PNLIPRP3: variants seen among roughly 807,000 people sequenced by gnomAD.
PNLIPRP3 encodes the protein pancreatic lipase related protein 3.
A neutral mutation model predicts 52.8 loss-of-function variants in PNLIPRP3; 58 were observed. The observed-to-expected ratio is 1.10, with a 90% CI of 0.89 to 1.37. The LOEUF (loss-of-function observed/expected upper bound fraction) is 1.37. Among genes scored for constraint, PNLIPRP3 ranks in the 40% most tolerant of loss-of-function variants. The pLI, the probability that PNLIPRP3 is intolerant of heterozygous loss-of-function variation, is 0.00. For synonymous variants in PNLIPRP3, 192 were observed against 185.0 expected (o/e 1.04, Z -0.31); for missense variants, 593 against 561.6 (o/e 1.06, Z -0.57).
At chr10:116,447,896 C>CACTGCACTCCAGCCTGGGTAACAG (rs1265862013) in intron 4 of PNLIPRP3, among the ~76,000 whole-genome samples, 1 of 150,534 alleles carries the variant, frequency 6.6e-6, no homozygotes, top group Admixed American at 6.6e-5. Context: ...GAGATGGTGC[C>CACTGCACTCCAGCCTGGGTAACAG]ACTGCACTCC....
chr10:116,470,024 A>G (rs1171302515), intron 9 of PNLIPRP3, among the ~76,000 whole-genome samples: 1 of 151,790 alleles, frequency 6.6e-6, no homozygotes, highest in East Asian at 1.9e-4. Context: ...TAGAAGGTGG[A>G]AGCAAAATGG....
chr10:116,472,895 C>A (rs2133159725), intron 10 of PNLIPRP3, among the ~76,000 whole-genome samples: 1 of 152,298 alleles, frequency 6.6e-6, no homozygotes, highest in Non-Finnish European at 1.5e-5. Flanking sequence ...ATACTTTTTC[C>A]TGTCTGCTAT....
chr10:116,428,946 T>C (rs1845672597), intron 1 of PNLIPRP3, among the ~76,000 whole-genome samples: 1 of 152,082 alleles, frequency 6.6e-6, no homozygotes, highest in Non-Finnish European at 1.5e-5. Flanking sequence ...TGCTGCTTGG[T>C]AGTTGCTTAA....
chr10:116,461,057 A>G lies in PNLIPRP3; in HGVS notation c.657A>G (p.Thr219=), dbSNP rs1251800305. 3 of 1,614,224 alleles carry G rather than the reference A, an allele frequency of 1.9e-6. No individual in the cohort carries two copies. The highest frequency in any genetic ancestry group is 2.5e-6 in the Non-Finnish European group (3 of 1,180,036). The change falls in exon 6 of 12, where the codon ACA becomes ACG. Residue 219 remains threonine, a synonymous_variant. Coordinates refer to ENST00000369230, the MANE Select transcript of PNLIPRP3 (RefSeq NM_001011709.3). ...SDANFVDVIH[T]NAARILFELG... is the part of the protein sequence containing the mutation. ...CCAACTTTGTTGACGTTATTCATAC[A>G]AATGCAGCTCGCATCCTCTTTGAGC... is the stretch of plus-strand genomic sequence containing the variant.
At chr10:116,457,884 A>G (rs1040542815) in intron 5 of PNLIPRP3, among the ~76,000 whole-genome samples, 2 of 152,210 alleles carry the variant, frequency 1.3e-5, no homozygotes, top group South Asian at 2.1e-4. Context: ...TAGAAAACAG[A>G]TTTTTAAAGG....
intron 1 of PNLIPRP3, 137 bp from the exon 2 acceptor site, chr10:116,436,574 G>A (rs1220355486): frequency 2.7e-5 from 24 of 905,288 alleles, no homozygotes; most frequent in Non-Finnish European, 3.9e-5. Flanking sequence ...CTATAGAATA[G>A]GAGAAAATAT....
chr10:116,469,038 G>C, intron 8 of PNLIPRP3, 147 bp from the exon 9 acceptor site: 1 of 738,854 alleles, frequency 1.4e-6, no homozygotes, highest in Non-Finnish European at 2.0e-6. Context: ...TTTGAAAACA[G>C]ACATGGTGGC....
rs140277168 is a variant in PNLIPRP3 at position 116,466,177 on chromosome 10, A to T, written c.927+9A>T. The T allele has an allele frequency of 1.3e-6, 2 of 1,546,058 alleles. No homozygotes were observed. Among genetic ancestry groups the T allele is most frequent in the African/African-American group, 2.7e-5 (2 of 73,142 alleles). On this transcript the variant is annotated intron_variant, in intron 8 of 11. Transcript: ENST00000369230. ...ACACATCTTTTAAAGCAGTAAGTAA[A>T]TCATCTTACTTGGAATTTAATTATA...
Position 116,449,766 on chromosome 10 carries a change from A to G in PNLIPRP3, c.456+5253A>G, listed in dbSNP as rs941838647. ...GACCAAATGGACCTAACACATGTGC[A>G]TAGAATATTTCACCCAACAGCAGAA... On this transcript the variant is annotated intron_variant, in intron 4 of 11. Transcript: ENST00000369230. Among the ~76,000 whole-genome samples, 24 of 152,320 alleles carry G rather than the reference A, an allele frequency of 1.6e-4. 2 individuals carry two copies. Among genetic ancestry groups the G allele is most frequent in the Admixed American group, 1.5e-3 (23 of 15,306 alleles).
chr10:116,461,965 T>C (rs1410461107), intron 7 of PNLIPRP3, among the ~76,000 whole-genome samples: 3 of 151,918 alleles, frequency 2.0e-5, no homozygotes, highest in Non-Finnish European at 4.4e-5. Flanking sequence ...AGGAAAGAAG[T>C]AGGGCATAAG....
At chr10:116,434,013 C>T (rs1676419479) in intron 1 of PNLIPRP3, among the ~76,000 whole-genome samples, 1 of 152,178 alleles carries the variant, frequency 6.6e-6, no homozygotes, top group African/African-American at 2.4e-5. Flanking sequence ...AATAGCAATA[C>T]ATTTCTCTTA....
At chr10:116,469,977 A>G (rs1846341179) in intron 9 of PNLIPRP3, among the ~76,000 whole-genome samples, 1 of 152,100 alleles carries the variant, frequency 6.6e-6, no homozygotes. Context: ...AGGCAAAAAA[A>G]AAAAAAAAAT....
chr10:116,433,114 C>CAAAA (rs71010080), intron 1 of PNLIPRP3, among the ~76,000 whole-genome samples: 2,443 of 8,510 alleles, frequency 0.29, 1,167 homozygotes, highest in South Asian at 0.52. Context: ...AACTCCATCT[C>CAAAA]AAAAAAAAAA....
At chr10:116,471,647 G>A in intron 9 of PNLIPRP3, 121 bp from the exon 10 acceptor site, 1 of 782,086 alleles carries the variant, frequency 1.3e-6, no homozygotes, top group Non-Finnish European at 2.2e-6. Context: ...GCATGAATAT[G>A]TGCAGCACTG....
intron 1 of PNLIPRP3, among the ~76,000 whole-genome samples, chr10:116,432,643 C>A (rs1845723904): frequency 6.6e-6 from 1 of 152,020 alleles, no homozygotes; most frequent in Non-Finnish European, 1.5e-5. Flanking sequence ...AGTGAAATAA[C>A]CTCAGATGTG....
At chr10:116,444,660 AAAGG>A in intron 4 of PNLIPRP3, 147 bp downstream of exon 4, 1 of 799,698 alleles carries the variant, frequency 1.3e-6, no homozygotes, top group Non-Finnish European at 1.9e-6. Context: ...GGCAGACAAA[AAAGG>A]AAAAGTTTCT....
intron 9 of PNLIPRP3, among the ~76,000 whole-genome samples, chr10:116,470,270 CAGAT>C (rs756701681): frequency 2.4e-4 from 37 of 152,012 alleles, no homozygotes; most frequent in Non-Finnish European, 3.8e-4. Context: ...ATGTGTTCTA[CAGAT>C]AGAGAGTTGG....
intron 3 of PNLIPRP3, among the ~76,000 whole-genome samples, chr10:116,443,635 A>T (rs1490044799): frequency 4.5e-4 from 1 of 2,226 alleles, no homozygotes; most frequent in African/African-American, 5.4e-4. Context: ...TATAACACAT[A>T]TATATAACAC....
chr10:116,442,127 G>C (rs1845867032), intron 2 of PNLIPRP3, among the ~76,000 whole-genome samples: 1 of 152,124 alleles, frequency 6.6e-6, no homozygotes, highest in Non-Finnish European at 1.5e-5. Context: ...GCTGATTTAA[G>C]TATTCATTTT....
Sources: allele counts gnomAD v4.1 joint callset (sites outside exome capture counted in the v4.1 genomes callset), GRCh38; gene constraint gnomAD v4.1.1; transcripts MANE v1.5; gene names NCBI Gene and HGNC (gene_info 2026-07-23, HGNC 2026-07-21).